Variants in MDH1B observed in about 807,000 individuals in gnomAD.
MDH1B encodes malate dehydrogenase 1B.
Under a neutral mutation model 61.4 loss-of-function variants are expected in MDH1B, and 60 were observed. The ratio of observed to expected loss-of-function variants is 0.98; its 90% confidence interval spans 0.79 to 1.21. The LOEUF (loss-of-function observed/expected upper bound fraction) is 1.21. MDH1B is among the 50% of genes most tolerant of loss of function. The probability of loss-of-function intolerance (pLI) is 0.00; values close to 1 mark genes in which losing one functional copy is unlikely to be tolerated. For missense variants in MDH1B, 587 were observed against 632.1 expected, an observed-to-expected ratio of 0.93 and a Z score of 0.76; for synonymous variants, 236 against 218.7, an observed-to-expected ratio of 1.08 and a Z score of -0.70.
In MDH1B at chr2:206,741,102, G is replaced by A. The variant is rs375571534; in HGVS notation, c.1411C>T (p.His471Tyr). 9.1e-5 allele frequency: 147 copies of A among 1,612,120 alleles called. No individual in the cohort carries two copies. Among genetic ancestry groups the A allele is most frequent in the Non-Finnish European group, 1.2e-4 (139 of 1,178,884 alleles). The change falls in exon 10 of 12, where the codon CAT becomes TAT. Residue 471 changes from histidine (H) to tyrosine (Y), a missense_variant and splice_region_variant. By Grantham distance (83) the His-to-Tyr change is moderately conservative. Transcript: ENST00000374412. ...KIHFQPYQSG[H>Y]KDLVPDEEKN... ...TCTTCATCAGGGACCAGATCTTTAT[G>A]TCCTGAAATCAAAATTAAATAAAAC...
intron 7 of MDH1B, among the ~76,000 whole-genome samples, chr2:206,748,284 C>T (rs1187051112): frequency 6.6e-6 from 1 of 152,172 alleles, no homozygotes; most frequent in Middle Eastern, 3.2e-3. Flanking sequence ...GAGGCTGGGG[C>T]AGGAGAATCA....
Position 206,747,165 on chromosome 2 carries a change from A to AAAC in MDH1B, c.1217-742_1217-740dup, listed in dbSNP as rs541464892. On this transcript the variant is annotated intron_variant, in intron 7 of 11. Transcript: ENST00000374412. Reference sequence around the variant, plus strand: ...AAAAATATCACCAGGGCAAAAAAACAAACAACAACAACAACAACAACAAAA... The same window carrying AAAC: ...AAAAATATCACCAGGGCAAAAAAACAAACAACAACAACAACAACAACAACAAAA... Among the ~76,000 whole-genome samples, 897 of 149,032 alleles carry AAAC rather than the reference A, an allele frequency of 6.0e-3. 8 individuals carry two copies. The highest frequency in any genetic ancestry group is 0.015 in the African/African-American group (627 of 40,554).
At chr2:206,742,530 G>A (rs746987322) in intron 9 of MDH1B, among the ~76,000 whole-genome samples, 2 of 152,102 alleles carry the variant, frequency 1.3e-5, no homozygotes, top group South Asian at 2.1e-4. Flanking sequence ...CAAGAGTGAC[G>A]GCCTCCCCTG....
At chr2:206,750,082 T>C (rs992183649) in intron 6 of MDH1B, among the ~76,000 whole-genome samples, 2 of 151,802 alleles carry the variant, frequency 1.3e-5, no homozygotes, top group Admixed American at 6.6e-5. Context: ...GGACACATCA[T>C]CCCTAGGCAG....
At chr2:206,756,416 T>C (rs73983102) in intron 4 of MDH1B, among the ~76,000 whole-genome samples, 17,848 of 151,740 alleles carry the variant, frequency 0.12, 1,466 homozygotes, top group African/African-American at 0.24. Context: ...AGAGAGACAG[T>C]GCAGAGAAAG....
chr2:206,748,568 A>G (rs559738717), intron 7 of MDH1B, among the ~76,000 whole-genome samples: 3 of 152,188 alleles, frequency 2.0e-5, no homozygotes, highest in Admixed American at 1.3e-4. Flanking sequence ...CTGTGCTCCT[A>G]TGGTTCCCTG....
Position 206,765,286 on chromosome 2 carries a change from C to CA in MDH1B, c.-16dup, listed in dbSNP as rs1395504854. On this transcript the variant is annotated 5_prime_UTR_variant, in exon 1 of 12. Coordinates refer to ENST00000374412, the MANE Select transcript of MDH1B (RefSeq NM_001039845.3). Reference sequence around the variant, plus strand: ...AATTTGGCCATGGTCGAGAGAGACTCAGAGGCAGGGACCGCGGCTTCGCGG... The same window carrying CA: ...AATTTGGCCATGGTCGAGAGAGACTCAAGAGGCAGGGACCGCGGCTTCGCGG... 3 of 1,597,852 alleles carry CA rather than the reference C, an allele frequency of 1.9e-6. No individual in the cohort carries two copies. Among genetic ancestry groups the CA allele is most frequent in the African/African-American group, 2.7e-5 (2 of 73,740 alleles).
At position 206,755,258 on chromosome 2, in the gene MDH1B, C is replaced by A. The variant is rs777811244; in HGVS notation, c.661G>T (p.Glu221Ter). ...IVVLDDSTNK[E>*]VFTLEDCLRS... is the part of the protein sequence containing the mutation. The stretch of plus-strand genomic sequence containing the variant: ...AGGCAGTCCTCCAGAGTGAACACCT[C>A]CTTGTTGGTGCTGTCATCCAGCACC... The change falls in exon 5 of 12, where the codon GAG becomes TAG. Residue 221 changes from glutamate to a stop codon, truncating the protein, a stop_gained. Coordinates refer to ENST00000374412, the MANE Select transcript of MDH1B (RefSeq NM_001039845.3). LOFTEE classifies it high-confidence loss of function. The A allele has an allele frequency of 1.9e-6, 3 of 1,614,208 alleles. No homozygotes were observed. The highest frequency in any genetic ancestry group is 2.5e-6 in the Non-Finnish European group (3 of 1,180,038).
At chr2:206,747,066 C>T (rs1305359910) in intron 7 of MDH1B, among the ~76,000 whole-genome samples, 1 of 152,046 alleles carries the variant, frequency 6.6e-6, no homozygotes, top group Non-Finnish European at 1.5e-5. Flanking sequence ...TAACTGAGCA[C>T]CATTCAGACA....
At chr2:206,747,700 C>T (rs7568962) in intron 7 of MDH1B, among the ~76,000 whole-genome samples, 18,657 of 152,046 alleles carry the variant, frequency 0.12, 1,642 homozygotes, top group African/African-American at 0.26. Flanking sequence ...CCGTGATAGG[C>T]GAACAAAATG....
rs570078412 is a variant in MDH1B, at chr2:206,739,841, T to A, written c.1460-180A>T. On this transcript the variant is annotated intron_variant, in intron 10 of 11. Transcript: ENST00000374412. ...AAAGTCTCAACCATTGATGATGACT[T>A]ATCTATGTCCTGAGTGGACAATATG... Among the ~76,000 whole-genome samples, 7 of 152,296 alleles carry A rather than the reference T, an allele frequency of 4.6e-5. No individual in the cohort carries two copies. The South Asian group carries it at 1.5e-3, about 32-fold the overall frequency.
chr2:206,747,113 A>G (rs1688158186), intron 7 of MDH1B, among the ~76,000 whole-genome samples: 1 of 151,858 alleles, frequency 6.6e-6, no homozygotes, highest in Non-Finnish European at 1.5e-5. Flanking sequence ...ATCACATAAG[A>G]AAATTATTTC....
chr2:206,749,316 G>T, intron 6 of MDH1B, 133 bp from the exon 7 acceptor site: 4 of 697,796 alleles, frequency 5.7e-6, no homozygotes, highest in Non-Finnish European at 6.8e-6. Context: ...TTTATTTCTA[G>T]TGTCTTTCCT....
chr2:206,738,521 GA>G lies in MDH1B; in HGVS notation c.1529-11del. On this transcript the variant is annotated splice_polypyrimidine_tract_variant and intron_variant, in intron 11 of 11. Coordinates refer to ENST00000374412, the MANE Select transcript of MDH1B (RefSeq NM_001039845.3). ...GTTTTGCCTTCAAATTCTGTAAAAG[GA>G]AAAGAATGAAAAGACATAACTATTT... 1.3e-6 allele frequency: 2 copies of G among 1,568,710 alleles called. No individual in the cohort carries two copies. Among genetic ancestry groups the G allele is most frequent in the Non-Finnish European group, 1.7e-6 (2 of 1,150,026 alleles).
At chr2:206,755,527 A>T in intron 4 of MDH1B, 22 bp from the exon 5 acceptor site, 1 of 1,595,922 alleles carries the variant, frequency 6.3e-7, no homozygotes. Context: ...GCAAAGCCGC[A>T]TTGTGAATAG....
chr2:206,758,383 T>C (rs1360199578), intron 2 of MDH1B, among the ~76,000 whole-genome samples: 1 of 152,204 alleles, frequency 6.6e-6, no homozygotes. Flanking sequence ...GGACAACATG[T>C]TGCCAGACTG....
intron 9 of MDH1B, among the ~76,000 whole-genome samples, chr2:206,743,946 A>G (rs1335758747): frequency 6.6e-6 from 1 of 152,120 alleles, no homozygotes; most frequent in Non-Finnish European, 1.5e-5. Flanking sequence ...ACTCCCCCTC[A>G]ATACCAGTCT....
At chr2:206,763,423 G>A (rs1290509273) in intron 1 of MDH1B, among the ~76,000 whole-genome samples, 1 of 151,850 alleles carries the variant, frequency 6.6e-6, no homozygotes, top group East Asian at 1.9e-4. Flanking sequence ...TCCATTGTTT[G>A]CCACTCTAGG....
At chr2:206,748,961 A>T (rs1176264780) in intron 7 of MDH1B, 59 bp downstream of exon 7, 1 of 1,491,514 alleles carries the variant, frequency 6.7e-7, no homozygotes, top group Admixed American at 1.7e-5. Context: ...CAGAATTAGG[A>T]GCACGAGTTA....
Sources: allele counts gnomAD v4.1 joint callset (sites outside exome capture counted in the v4.1 genomes callset), GRCh38; gene constraint gnomAD v4.1.1; transcripts MANE v1.5; gene names NCBI Gene and HGNC (gene_info 2026-07-23, HGNC 2026-07-21).